The following ALDH7A1 variants were observed in gnomAD, a reference collection of about 807,000 sequenced individuals.
ALDH7A1 encodes alpha-aminoadipic semialdehyde dehydrogenase.
A neutral mutation model predicts 79.9 loss-of-function variants in ALDH7A1; 63 were observed. That is an observed-to-expected ratio of 0.79 (90% CI 0.64 to 0.97). The LOEUF (loss-of-function observed/expected upper bound fraction) is 0.97. Ranked by LOEUF, ALDH7A1 falls within the 50% of genes least tolerant of loss-of-function variation. ALDH7A1 has a pLI of 0.00. For synonymous variants in ALDH7A1, 240 were observed against 231.2 expected (o/e 1.04, Z -0.34); for missense variants, 627 against 665.2 (o/e 0.94, Z 0.63).
intron 14 of ALDH7A1, among the ~76,000 whole-genome samples, chr5:126,550,828 T>C (rs879386808): frequency 3.3e-5 from 5 of 152,254 alleles, no homozygotes; most frequent in Admixed American, 2.6e-4. Context: ...ATGATGTAAT[T>C]GCAACAAGAT....
intron 9 of ALDH7A1, chr5:126,564,610 C>A: frequency 8.1e-7 from 1 of 1,230,720 alleles, no homozygotes; most frequent in Non-Finnish European, 1.0e-6. Context: ...AGGTAAGCAT[C>A]AAGTGAATAT....
At position 126,593,330 on chromosome 5, in the gene ALDH7A1, CA is replaced by C. The variant is rs1751617995; in HGVS notation, c.246+20del. On this transcript the variant is annotated intron_variant, in intron 2 of 17. Transcript: ENST00000409134. ...TTAAACACACACACACACACACACA[CA>C]CACACACACACACTCTTACCTGTCG... 1 of 1,611,088 alleles carries C rather than the reference CA, an allele frequency of 6.2e-7. No homozygotes were observed. Among genetic ancestry groups the C allele is most frequent in the Non-Finnish European group, 8.5e-7 (1 of 1,179,128 alleles).
chr5:126,588,351 T>A (rs35797169), intron 3 of ALDH7A1: 9,258 of 151,968 alleles, frequency 0.061, 331 homozygotes, highest in South Asian at 0.11. Context: ...TGGTGGCTCA[T>A]GCCTGTAGTC....
At position 126,568,647 on chromosome 5, in the gene ALDH7A1, G is replaced by A. The variant is rs113387283; in HGVS notation, c.774-291C>T. The stretch of plus-strand genomic sequence containing the variant: ...TACTGAGTGAGTGACTGGACAATAT[G>A]ATCTTAGCATTTCCTTGCTGAGCAT... On this transcript the variant is annotated intron_variant, in intron 8 of 17. Transcript: ENST00000409134. 7.3e-4 allele frequency: 297 copies of A among 404,978 alleles called. 2 individuals carry two copies. The highest frequency in any genetic ancestry group is 5.3e-3 in the African/African-American group (260 of 49,256). The allele number at this position is 404,978 out of a possible 1,614,324, so 25.1% of individuals were successfully genotyped here.
At chr5:126,557,960 G>A (rs977565003) in intron 11 of ALDH7A1, among the ~76,000 whole-genome samples, 1 of 151,674 alleles carries the variant, frequency 6.6e-6, no homozygotes. Flanking sequence ...CTGAGGTCAG[G>A]AGTTCAAGAC....
rs1190111311 is a variant in ALDH7A1 at position 126,556,070 on chromosome 5, AC to A, written c.1009-56del. The A allele has an allele frequency of 2.4e-5, 29 of 1,212,400 alleles. No homozygotes were observed. In the Admixed American group the frequency reaches 2.7e-4, roughly 11 times the overall value. The allele number at this position is 1,212,400 out of a possible 1,614,324, so 75.1% of individuals were successfully genotyped here. A position where few individuals can be genotyped will look rare whatever the true frequency, so the allele number is the denominator to read the frequency against. ...GTATGATAAATGCACACATTTTTAA[AC>A]AATGAATAATTTCCTTGATAGTTAC... is the stretch of plus-strand genomic sequence containing the variant. On this transcript the variant is annotated intron_variant, in intron 11 of 17. Coordinates refer to ENST00000409134, the MANE Select transcript of ALDH7A1 (RefSeq NM_001182.5).
chr5:126,577,204 G>A lies in ALDH7A1; in HGVS notation c.525C>T (p.Gly175=), dbSNP rs750418342. The A allele has an allele frequency of 6.2e-7, 1 of 1,613,970 alleles. No individual in the cohort carries two copies. The part of the protein sequence containing the change: ...GGPILPSERS[G]HALIEQWNPV... Reference sequence around the variant, plus strand: ...GATTCCACTGCTCAATCAGTGCATGGCCAGATCCTGAGGACAGAAAAAGGA... The same window carrying A: ...GATTCCACTGCTCAATCAGTGCATGACCAGATCCTGAGGACAGAAAAAGGA... Residue 175 remains glycine (G), a synonymous_variant, in exon 6 of 18, where the codon GGC becomes GGT. Coordinates refer to ENST00000409134, the MANE Select transcript of ALDH7A1 (RefSeq NM_001182.5).
chr5:126,548,242 T>G (rs1749857920), intron 16 of ALDH7A1, among the ~76,000 whole-genome samples: 1 of 152,120 alleles, frequency 6.6e-6, no homozygotes, highest in African/African-American at 2.4e-5. Flanking sequence ...CTCAAACTCT[T>G]GGCTTAAGCG....
intron 9 of ALDH7A1, among the ~76,000 whole-genome samples, chr5:126,562,913 A>G (rs751200157): frequency 5.9e-5 from 9 of 152,130 alleles, no homozygotes; most frequent in Non-Finnish European, 1.3e-4. Context: ...TTATAACCCC[A>G]CTCAAATGAA....
At chr5:126,576,398 C>T (rs1354173787) in intron 6 of ALDH7A1, among the ~76,000 whole-genome samples, 4 of 151,964 alleles carry the variant, frequency 2.6e-5, no homozygotes, top group African/African-American at 4.8e-5. Flanking sequence ...GAGTACCACA[C>T]ATTTAAAACA....
At position 126,568,334 on chromosome 5, in the gene ALDH7A1, G is replaced by GCATT. The variant is rs2112782223; in HGVS notation, c.795_796insAATG (p.Arg266AsnfsTer43). 6.2e-7 allele frequency: 1 copy of GCATT among 1,614,036 alleles called. No individual in the cohort carries two copies. The highest frequency in any genetic ancestry group is 1.7e-5 in the Admixed American group (1 of 60,012). On this transcript the variant is annotated frameshift_variant, in exon 9 of 18. Coordinates refer to ENST00000409134, the MANE Select transcript of ALDH7A1 (RefSeq NM_001182.5). LOFTEE classifies it high-confidence loss of function. ...CCAGTGAAGGACAGCAGGTTCACTCGTTCATCTTTGGCCATTGCTGTGCTG... is the reference window on the plus strand; with the variant it reads ...CCAGTGAAGGACAGCAGGTTCACTCGCATTTTCATCTTTGGCCATTGCTGTGCTG...
intron 1 of ALDH7A1, chr5:126,594,438 A>ATTTTTTTTTT (rs34684581): frequency 1.1e-5 from 2 of 178,562 alleles, no homozygotes; most frequent in African/African-American, 3.3e-5. Flanking sequence ...TAAGGTTTTA[A>ATTTTTTTTTT]TTTTTTTTTT....
At position 126,595,072 on chromosome 5, in the gene ALDH7A1, T is replaced by G. The variant is rs1751698183; in HGVS notation, c.127A>C (p.Lys43Gln). ...TTTTCCTCGCGGAGCCCCAGCTCTT[T>G]CAGCCACGCATACTGGGGCTGATTG... ...LINQPQYAWL[K>Q]ELGLREENEG... Residue 43 changes from lysine to glutamine, a missense_variant, in exon 1 of 18, where the codon AAA becomes CAA. Transcript: ENST00000409134. 1.1e-5 allele frequency: 17 copies of G among 1,608,474 alleles called. No individual in the cohort carries two copies. Among genetic ancestry groups the G allele is most frequent in the Non-Finnish European group, 1.4e-5 (16 of 1,177,610 alleles).
chr5:126,570,734 T>G, intron 8 of ALDH7A1, 48 bp downstream of exon 8: 1 of 1,569,700 alleles, frequency 6.4e-7, no homozygotes. Context: ...TTCTAGTTGG[T>G]CAACCTGGGG....
intron 11 of ALDH7A1, among the ~76,000 whole-genome samples, chr5:126,556,265 CAG>C (rs1750193168): frequency 2.8e-5 from 2 of 70,202 alleles, no homozygotes. Context: ...TTTTTTGAGA[CAG>C]AGTCTCACTC....
chr5:126,563,773 G>A (rs1479770193), intron 9 of ALDH7A1, among the ~76,000 whole-genome samples: 3 of 152,046 alleles, frequency 2.0e-5, no homozygotes, highest in African/African-American at 4.8e-5. Flanking sequence ...TTACAGGCTT[G>A]AGCCATCGCA....
At chr5:126,545,357 C>A (rs142485318) in intron 17 of ALDH7A1, among the ~76,000 whole-genome samples, 1,752 of 152,100 alleles carry the variant, frequency 0.012, 27 homozygotes, top group African/African-American at 0.04. Context: ...TCACTGCAAC[C>A]TCCGCCTCCC....
intron 13 of ALDH7A1, 143 bp downstream of exon 13, chr5:126,554,143 GT>G: frequency 1.6e-6 from 1 of 640,712 alleles, no homozygotes. Flanking sequence ...GTGTTTCCTT[GT>G]TTTATAATAA....
intron 11 of ALDH7A1, among the ~76,000 whole-genome samples, chr5:126,557,308 C>T (rs975724383): frequency 1.3e-5 from 2 of 152,050 alleles, no homozygotes; most frequent in African/African-American, 2.4e-5. Context: ...TGTGAGAGGC[C>T]GGGTGCGGTG....
Sources: allele counts gnomAD v4.1 joint callset (sites outside exome capture counted in the v4.1 genomes callset), GRCh38; gene constraint gnomAD v4.1.1; transcripts MANE v1.5; gene names NCBI Gene and HGNC (gene_info 2026-07-23, HGNC 2026-07-21).